SUCLG1: variants seen among roughly 807,000 people sequenced by gnomAD.
The protein encoded by SUCLG1 is succinate-CoA ligase GDP/ADP-forming subunit alpha.
In SUCLG1, 26 loss-of-function variants were observed where a neutral mutation model predicts 37.3. The observed-to-expected ratio is 0.70, with a 90% CI of 0.51 to 0.97. SUCLG1 has a LOEUF of 0.97. SUCLG1 is among the 50% of genes least tolerant of loss of function. The probability of loss-of-function intolerance (pLI) is 0.00; values close to 1 mark genes in which losing one functional copy is unlikely to be tolerated. For missense variants in SUCLG1, 433 were observed against 432.9 expected (o/e 1.00, Z 0.00); for synonymous variants, 163 against 155.6 (o/e 1.05, Z -0.36).
intron 2 of SUCLG1, among the ~76,000 whole-genome samples, chr2:84,446,348 C>T (rs925788952): frequency 6.6e-6 from 1 of 152,164 alleles, no homozygotes; most frequent in Non-Finnish European, 1.5e-5. Context: ...AATATGACAC[C>T]TAAATCAATA....
chr2:84,442,638 T>C (rs1672792951), intron 3 of SUCLG1, among the ~76,000 whole-genome samples: 2 of 152,248 alleles, frequency 1.3e-5, no homozygotes, highest in African/African-American at 4.8e-5. Context: ...AAAAAGTACC[T>C]ATCAGTTTTG....
chr2:84,429,674 T>G (rs924377996), intron 7 of SUCLG1, among the ~76,000 whole-genome samples: 1 of 152,158 alleles, frequency 6.6e-6, no homozygotes. Flanking sequence ...GGATGGTATG[T>G]GAAGGACTGG....
chr2:84,432,498 C>T (rs1672627567), intron 6 of SUCLG1: 1 of 152,198 alleles, frequency 6.6e-6, no homozygotes, highest in Non-Finnish European at 1.5e-5. Flanking sequence ...CCTCCACTTA[C>T]AAATTCAAAA....
intron 7 of SUCLG1, among the ~76,000 whole-genome samples, chr2:84,429,202 A>G (rs961884197): frequency 6.6e-5 from 10 of 152,166 alleles, no homozygotes; most frequent in Admixed American, 6.5e-5. Flanking sequence ...AATTAATTCC[A>G]TAACAACTAA....
At position 84,441,053 on chromosome 2, in the gene SUCLG1, T is replaced by C; in HGVS notation, c.583A>G (p.Arg195Gly). The change falls in exon 5 of 9, where the codon AGG (arginine) becomes GGG (glycine). Residue 195 changes from arginine (R) to glycine (G), a missense_variant. Coordinates refer to ENST00000393868, the MANE Select transcript of SUCLG1 (RefSeq NM_003849.4). ...ATGTAACAAACAAACTCACCAATCCTTCCTTTTTTGTGAATATGGCCAGGC... is the reference window on the plus strand; with the variant it reads ...ATGTAACAAACAAACTCACCAATCCCTCCTTTTTTGTGAATATGGCCAGGC... ...IMPGHIHKKG[R>G]IGIVSRSGTL... The C allele has an allele frequency of 6.2e-7, 1 of 1,614,074 alleles. No homozygotes were observed. The highest frequency in any genetic ancestry group is 8.5e-7 in the Non-Finnish European group (1 of 1,179,980).
chr2:84,443,415 C>A lies in SUCLG1; in HGVS notation c.202-15G>T. On this transcript the variant is annotated splice_polypyrimidine_tract_variant and intron_variant, in intron 2 of 8. Transcript: ENST00000393868. ...TGAAAGGTGCCCTGAGGGGAAAAAGCACAAGATCCATGAGAAACAGCAGAC... is the reference window on the plus strand; with the variant it reads ...TGAAAGGTGCCCTGAGGGGAAAAAGAACAAGATCCATGAGAAACAGCAGAC... The A allele has an allele frequency of 6.2e-7, 1 of 1,611,706 alleles. No homozygotes were observed. The highest frequency in any genetic ancestry group is 8.5e-7 in the Non-Finnish European group (1 of 1,177,888).
chr2:84,441,476 G>A lies in SUCLG1; in HGVS notation c.319-17C>T, dbSNP rs368112738. The A allele has an allele frequency of 3.4e-5, 55 of 1,611,188 alleles. No individual in the cohort carries two copies. The highest frequency in any genetic ancestry group is 6.7e-5 in the East Asian group (3 of 44,880). On this transcript the variant is annotated splice_polypyrimidine_tract_variant and intron_variant, in intron 3 of 8. Coordinates refer to ENST00000393868, the MANE Select transcript of SUCLG1 (RefSeq NM_003849.4). ...TTCTTTGGCCTGAAACATTAACGACGAAGCACCTTATTATTTGTTAAATCA... is the reference window on the plus strand; with the variant it reads ...TTCTTTGGCCTGAAACATTAACGACAAAGCACCTTATTATTTGTTAAATCA...
At chr2:84,442,454 C>T (rs1672788602) in intron 3 of SUCLG1, among the ~76,000 whole-genome samples, 1 of 152,260 alleles carries the variant, frequency 6.6e-6, no homozygotes, top group Non-Finnish European at 1.5e-5. Context: ...CAAGAATTTA[C>T]ACTATAGTTT....
Position 84,441,473 on chromosome 2 carries a change from G to A in SUCLG1, c.319-14C>T, listed in dbSNP as rs772571590. ...CTGTTCTTTGGCCTGAAACATTAAC[G>A]ACGAAGCACCTTATTATTTGTTAAA... On this transcript the variant is annotated splice_polypyrimidine_tract_variant and intron_variant, in intron 3 of 8. Transcript: ENST00000393868. 25 of 1,612,076 alleles carry A rather than the reference G, an allele frequency of 1.6e-5. No individual in the cohort carries two copies. Among genetic ancestry groups the A allele is most frequent in the South Asian group, 6.6e-5 (6 of 90,928 alleles).
At chr2:84,435,155 T>C (rs895810569) in intron 5 of SUCLG1, among the ~76,000 whole-genome samples, 24 of 152,340 alleles carry the variant, frequency 1.6e-4, no homozygotes, top group Admixed American at 5.9e-4. Context: ...TGATATTTCA[T>C]GCTCTCCTAT....
At chr2:84,457,138 G>C (rs976788247) in intron 1 of SUCLG1, among the ~76,000 whole-genome samples, 2 of 152,144 alleles carry the variant, frequency 1.3e-5, no homozygotes, top group African/African-American at 4.8e-5. Context: ...AACATCTGTA[G>C]CTCTATTAGC....
chr2:84,447,694 T>C (rs898281210), intron 2 of SUCLG1, among the ~76,000 whole-genome samples: 42 of 152,162 alleles, frequency 2.8e-4, no homozygotes, highest in Non-Finnish European at 2.2e-4. Context: ...AGAATGTATA[T>C]AAGGGAAGTG....
intron 1 of SUCLG1, among the ~76,000 whole-genome samples, chr2:84,451,117 G>T (rs1045965262): frequency 6.6e-6 from 1 of 152,078 alleles, no homozygotes; most frequent in African/African-American, 2.4e-5. Context: ...TGCCAGTGCT[G>T]CATTCGAGAC....
intron 2 of SUCLG1, among the ~76,000 whole-genome samples, chr2:84,446,450 G>GTT (rs1558613272): frequency 6.6e-6 from 1 of 152,160 alleles, no homozygotes; most frequent in African/African-American, 2.4e-5. Context: ...AACTATTCAC[G>GTT]TTCTGTTAAA....
At chr2:84,424,849 AAAAC>A (rs769487587) in intron 8 of SUCLG1, among the ~76,000 whole-genome samples, 6 of 152,172 alleles carry the variant, frequency 3.9e-5, no homozygotes, top group African/African-American at 7.2e-5. Context: ...AAGGAAAAGC[AAAAC>A]AAACAAACAA....
At chr2:84,453,552 C>T (rs549883424) in intron 1 of SUCLG1, among the ~76,000 whole-genome samples, 13 of 152,136 alleles carry the variant, frequency 8.5e-5, no homozygotes, top group African/African-American at 3.1e-4. Context: ...GTATCTGGGA[C>T]TATAGGCCCA....
At chr2:84,450,980 T>C (rs116199669) in intron 1 of SUCLG1, among the ~76,000 whole-genome samples, 1 of 152,326 alleles carries the variant, frequency 6.6e-6, no homozygotes, top group East Asian at 1.9e-4. Context: ...CAAGGGGCCA[T>C]GGGCTTTGCA....
intron 1 of SUCLG1, among the ~76,000 whole-genome samples, chr2:84,458,926 C>A (rs1311249014): frequency 6.6e-6 from 1 of 152,208 alleles, no homozygotes; most frequent in Non-Finnish European, 1.5e-5. Context: ...GCTCCCGGAC[C>A]CGAATCCTGG....
intron 5 of SUCLG1, among the ~76,000 whole-genome samples, chr2:84,434,476 G>T (rs1383668751): frequency 6.6e-6 from 1 of 152,116 alleles, no homozygotes; most frequent in African/African-American, 2.4e-5. Flanking sequence ...AGAGCCAGTG[G>T]GGGCCAGGGA....
Sources: allele counts gnomAD v4.1 joint callset (sites outside exome capture counted in the v4.1 genomes callset), GRCh38; gene constraint gnomAD v4.1.1; transcripts MANE v1.5; gene names NCBI Gene and HGNC (gene_info 2026-07-23, HGNC 2026-07-21).